ASMT: variants seen among roughly 807,000 people sequenced by gnomAD.
ASMT encodes the protein acetylserotonin O-methyltransferase.
A neutral mutation model predicts 41.3 loss-of-function variants in ASMT; 53 were observed. That is an observed-to-expected ratio of 1.28 (90% CI 1.03 to 1.61). ASMT has a LOEUF of 1.61. Ranked by LOEUF, ASMT falls within the 40% of genes most tolerant of loss-of-function variation. The probability of loss-of-function intolerance (pLI) is 0.00; values close to 1 mark genes in which losing one functional copy is unlikely to be tolerated. For missense variants in ASMT, 531 were observed against 441.3 expected (o/e 1.20, Z -1.82); for synonymous variants, 231 against 184.8 (o/e 1.25, Z -2.03).
chrX:1,616,110 C>A (rs1326254583), intron 1 of ASMT, among the ~76,000 whole-genome samples: 1 of 151,088 alleles, frequency 6.6e-6, no homozygotes, highest in Non-Finnish European at 1.5e-5. Flanking sequence ...CTCACTGCAA[C>A]CTCCGCCTCC....
intron 1 of ASMT, among the ~76,000 whole-genome samples, chrX:1,620,927 C>CAAAA (rs111600493): frequency 2.0e-5 from 3 of 147,350 alleles, no homozygotes; most frequent in Admixed American, 6.7e-5. Context: ...ATAAAGATAC[C>CAAAA]AAAAAAAAAA....
intron 1 of ASMT, 52 bp from the exon 2 acceptor site, chrX:1,623,087 G>T (rs1934392653): frequency 1.2e-6 from 2 of 1,600,636 alleles, no homozygotes; most frequent in Non-Finnish European, 1.7e-6. Context: ...TTCTAAGACT[G>T]TGGTTCCCAG....
Position 1,636,529 on chromosome X carries a change from G to C in ASMT, c.879G>C (p.Leu293=). 1.9e-6 allele frequency: 3 copies of C among 1,613,796 alleles called. No individual in the cohort carries two copies. The African/African-American group carries it at 4.0e-5, about 22-fold the overall frequency. The part of the protein sequence containing the change: ...HDWADGKCSH[L]LERIYHTCKP... ...GGGCAGACGGAAAGTGCTCACACCT[G>C]CTGGAGAGGATCTACCACACTTGCA... The change falls in exon 8 of 9, where the codon CTG becomes CTC. Residue 293 remains leucine, a synonymous_variant. Coordinates refer to ENST00000381241, the MANE Select transcript of ASMT (RefSeq NM_001171038.2).
chrX:1,615,123 A>C lies in ASMT; in HGVS notation c.-77A>C. The C allele has an allele frequency of 7.2e-7, 1 of 1,390,208 alleles. No homozygotes were observed. Among genetic ancestry groups the C allele is most frequent in the Non-Finnish European group, 1.0e-6 (1 of 999,286 alleles). 86.1% of individuals were successfully genotyped at this position (1,390,208 alleles called of 1,614,324 possible). A position where few individuals can be genotyped will look rare whatever the true frequency, so the allele number is the denominator to read the frequency against. ...AGCTGTGAGCGGGTGGCTCTTCCCC[A>C]CCTTGCCAGCAGGCTCTGTGCTCCT... On this transcript the variant is annotated 5_prime_UTR_variant, in exon 1 of 9. Transcript: ENST00000381241.
chrX:1,629,996 A>G, intron 5 of ASMT, 57 bp downstream of exon 5: 1 of 1,389,250 alleles, frequency 7.2e-7, no homozygotes, highest in Non-Finnish European at 1.0e-6. Context: ...TGTATGGGGA[A>G]TGTGTTATTC....
chrX:1,635,535 A>T (rs143158485), intron 7 of ASMT, among the ~76,000 whole-genome samples: 1,845 of 152,142 alleles, frequency 0.012, 39 homozygotes, highest in African/African-American at 0.042. Flanking sequence ...TATCAGCAGC[A>T]GTGCTTTTGC....
chrX:1,633,535 G>A (rs1210441740), intron 7 of ASMT, among the ~76,000 whole-genome samples: 1 of 152,000 alleles, frequency 6.6e-6, no homozygotes, highest in African/African-American at 2.4e-5. Flanking sequence ...GAGTGCAGTG[G>A]TGCAGTCTCG....
chrX:1,623,035 A>G, intron 1 of ASMT, 104 bp from the exon 2 acceptor site: 1 of 1,139,752 alleles, frequency 8.8e-7, no homozygotes, highest in Non-Finnish European at 1.3e-6. Flanking sequence ...GAATATAAAT[A>G]AAACAATGCT....
intron 5 of ASMT, among the ~76,000 whole-genome samples, chrX:1,632,343 A>C (rs1934806065): frequency 6.6e-6 from 1 of 151,974 alleles, no homozygotes; most frequent in Non-Finnish European, 1.5e-5. Context: ...TCAAGATTAG[A>C]CATGGTGGAT....
Position 1,623,313 on chromosome X carries a change from GGT to G in ASMT, c.244+2_244+3del. Reference sequence around the variant, plus strand: ...GAAAGTGGAGACGAGGGGAGGAAAAGGTGAGGACACGGGCGTTTTGAAGGAGG... The same window carrying G: ...GAAAGTGGAGACGAGGGGAGGAAAAGGAGGACACGGGCGTTTTGAAGGAGG... On this transcript the variant is annotated splice_donor_variant, in intron 2 of 8. Transcript: ENST00000381241. LOFTEE classifies it high-confidence loss of function. 8.1e-6 allele frequency: 13 copies of G among 1,613,932 alleles called. No homozygotes were observed. The highest frequency in any genetic ancestry group is 1.1e-5 in the Non-Finnish European group (13 of 1,179,866).
chrX:1,620,374 G>T (rs1280597957), intron 1 of ASMT, among the ~76,000 whole-genome samples: 3 of 151,440 alleles, frequency 2.0e-5, no homozygotes, highest in Admixed American at 6.6e-5. Flanking sequence ...CACTATGTTG[G>T]CCAGGCTGGT....
chrX:1,627,065 C>T (rs1934575900), intron 3 of ASMT, among the ~76,000 whole-genome samples: 1 of 149,554 alleles, frequency 6.7e-6, no homozygotes, highest in Non-Finnish European at 1.5e-5. Context: ...TGGCTCACGC[C>T]TGTAATCCCA....
At chrX:1,634,656 C>CG (rs1246313271) in intron 7 of ASMT, among the ~76,000 whole-genome samples, 1 of 105,842 alleles carries the variant, frequency 9.4e-6, no homozygotes, top group Non-Finnish European at 2.1e-5. Flanking sequence ...TGAGTTAACC[C>CG]CCCCCCTTTT....
intron 1 of ASMT, among the ~76,000 whole-genome samples, chrX:1,616,008 G>A (rs181171025): frequency 3.7e-4 from 56 of 151,626 alleles, no homozygotes; most frequent in Non-Finnish European, 6.3e-4. Context: ...GGGTTCACCC[G>A]TAGAGGAGCA....
intron 7 of ASMT, among the ~76,000 whole-genome samples, chrX:1,634,361 C>G (rs1349138117): frequency 1.3e-5 from 2 of 152,176 alleles, no homozygotes; most frequent in African/African-American, 4.8e-5. Flanking sequence ...TCACTGCCAG[C>G]CTGGAGAGCC....
chrX:1,616,850 A>C, intron 1 of ASMT, among the ~76,000 whole-genome samples: 1 of 151,496 alleles, frequency 6.6e-6, no homozygotes, highest in South Asian at 2.1e-4. Flanking sequence ...CTGGGATTAC[A>C]GGCACCCGCC....
At position 1,623,205 on chromosome X, in the gene ASMT, G is replaced by A. The variant is rs145866337; in HGVS notation, c.136G>A (p.Val46Met). 1.6e-3 allele frequency: 2,631 copies of A among 1,613,278 alleles called. 26 individuals carry two copies. In the African/African-American group the frequency reaches 0.029, roughly 18 times the overall value. The change falls in exon 2 of 9, where the codon GTG becomes ATG. Residue 46 changes from valine to methionine, a missense_variant. By Grantham distance (21) the Val-to-Met change is conservative. Transcript: ENST00000381241. The part of the protein sequence containing the change: ...LLAEAPGPLD[V>M]AAVAAGVRAS... ...CGCCGAGGCCCCAGGGCCCCTGGAC[G>A]TGGCGGCAGTGGCTGCAGGTGTGAG...
intron 5 of ASMT, 79 bp downstream of exon 5, chrX:1,630,018 T>C: frequency 7.9e-7 from 1 of 1,265,540 alleles, no homozygotes; most frequent in South Asian, 1.2e-5. Flanking sequence ...TGTCTTTTAT[T>C]TTCTGCATTC....
chrX:1,624,290 T>C lies in ASMT; in HGVS notation c.266T>C (p.Leu89Pro). The C allele has an allele frequency of 6.2e-7, 1 of 1,613,966 alleles. No individual in the cohort carries two copies. Among genetic ancestry groups the C allele is most frequent in the South Asian group, 1.1e-5 (1 of 91,080 alleles). ...GGKAFYRNTE[L>P]SSDYLTTVSP... Reference sequence around the variant, plus strand: ...TCAGCTTTCTATCGAAACACAGAGCTGTCCAGCGACTACCTGACCACGGTC... The same window carrying C: ...TCAGCTTTCTATCGAAACACAGAGCCGTCCAGCGACTACCTGACCACGGTC... The change falls in exon 3 of 9, where the codon CTG becomes CCG. Residue 89 changes from leucine (L) to proline (P), a missense_variant. Transcript: ENST00000381241.
Sources: gnomAD v4.1 joint callset for allele counts (sites outside exome capture counted in the v4.1 genomes callset) on GRCh38, gnomAD v4.1.1 for gene constraint, MANE v1.5 for transcripts, NCBI Gene and HGNC (gene_info 2026-07-23, HGNC 2026-07-21) for gene names.